DENND2A: variants seen among roughly 807,000 people sequenced by gnomAD.
DENND2A encodes DENN domain containing 2A, also known as DENN domain-containing protein 2A.
Under a neutral mutation model 105.3 loss-of-function variants are expected in DENND2A, and 53 were observed. The observed-to-expected ratio is 0.50, with a 90% CI of 0.40 to 0.63. DENND2A has a LOEUF of 0.63. Ranked by LOEUF, DENND2A falls within the 30% of genes least tolerant of loss-of-function variation. The pLI, the probability that DENND2A is intolerant of heterozygous loss-of-function variation, is 0.00. For missense variants in DENND2A, 1,138 were observed against 1,279.6 expected (o/e 0.89, Z 1.69); for synonymous variants, 522 against 508.4 (o/e 1.03, Z -0.36).
intron 6 of DENND2A, among the ~76,000 whole-genome samples, chr7:140,570,258 C>T (rs1418295501): frequency 2.0e-5 from 3 of 152,180 alleles, no homozygotes; most frequent in African/African-American, 7.2e-5. Flanking sequence ...GCTGCCAGCT[C>T]CACTGCCCTA....
chr7:140,596,709 A>G (rs1799299065), intron 3 of DENND2A, among the ~76,000 whole-genome samples: 1 of 152,196 alleles, frequency 6.6e-6, no homozygotes, highest in Non-Finnish European at 1.5e-5. Flanking sequence ...CATTGCAGTT[A>G]TTTGGTTTCA....
chr7:140,571,326 T>C (rs949409610), intron 6 of DENND2A, among the ~76,000 whole-genome samples: 2 of 151,900 alleles, frequency 1.3e-5, no homozygotes, highest in Admixed American at 6.6e-5. Context: ...GCCCAGCTAA[T>C]TTTTTTGTAT....
At chr7:140,633,515 T>C (rs189833151) in intron 1 of DENND2A, among the ~76,000 whole-genome samples, 49 of 152,312 alleles carry the variant, frequency 3.2e-4, no homozygotes, top group African/African-American at 1.1e-3. Context: ...CCCTATATTT[T>C]ACCTACCATA....
chr7:140,522,258 T>C (rs576873493), intron 17 of DENND2A, among the ~76,000 whole-genome samples, 158 bp from the exon 18 acceptor site: 1 of 152,300 alleles, frequency 6.6e-6, no homozygotes, highest in South Asian at 2.1e-4. Context: ...TATTAAGACA[T>C]TTCTTTCCAT....
chr7:140,545,603 G>A (rs911088695), intron 13 of DENND2A, among the ~76,000 whole-genome samples: 3 of 152,130 alleles, frequency 2.0e-5, no homozygotes, highest in Non-Finnish European at 2.9e-5. Context: ...CACCTGCCTC[G>A]GCCTCCCAAA....
At chr7:140,605,673 C>G (rs978031273) in intron 2 of DENND2A, 32 bp downstream of exon 2, 1 of 152,026 alleles carries the variant, frequency 6.6e-6, no homozygotes, top group Non-Finnish European at 1.5e-5. Flanking sequence ...GCTGGGTCAG[C>G]GTCTACACTC....
At chr7:140,628,651 T>C (rs1225634472) in intron 1 of DENND2A, among the ~76,000 whole-genome samples, 1 of 150,416 alleles carries the variant, frequency 6.6e-6, no homozygotes, top group Non-Finnish European at 1.5e-5. Context: ...GGCATTCTCC[T>C]GCCTCAGCCT....
At chr7:140,630,516 CA>C (rs1363577020) in intron 1 of DENND2A, among the ~76,000 whole-genome samples, 12 of 152,002 alleles carry the variant, frequency 7.9e-5, no homozygotes, top group Non-Finnish European at 1.3e-4. Context: ...ACAATTAAAA[CA>C]ACCAAAACAG....
chr7:140,526,363 G>A (rs1270574147), intron 15 of DENND2A, among the ~76,000 whole-genome samples: 1 of 152,216 alleles, frequency 6.6e-6, no homozygotes, highest in Non-Finnish European at 1.5e-5. Context: ...GGTGCCTGAG[G>A]CGCAAAGGTC....
At position 140,546,754 on chromosome 7, in the gene DENND2A, G is replaced by C. The variant is rs749535374; in HGVS notation, c.2178+45C>G. ...TCTGAGCACGGAGACTCGGCTGTCT[G>C]GGCCACTGCCTCCCCAGGGAGAAGG... On this transcript the variant is annotated intron_variant, in intron 13 of 19. Transcript: ENST00000496613. 12 of 1,608,008 alleles carry C rather than the reference G, an allele frequency of 7.5e-6. 1 individual carries two copies. The South Asian group carries it at 1.3e-4, about 18-fold the overall frequency.
At chr7:140,580,877 T>G (rs1217666545) in intron 5 of DENND2A, among the ~76,000 whole-genome samples, 1 of 151,144 alleles carries the variant, frequency 6.6e-6, no homozygotes, top group African/African-American at 2.4e-5. Flanking sequence ...CCTCAGGTGA[T>G]CTGCCCACCT....
chr7:140,527,440 G>T lies in DENND2A; in HGVS notation c.2383C>A (p.Gln795Lys). 1 of 1,603,844 alleles carries T rather than the reference G, an allele frequency of 6.2e-7. No homozygotes were observed. The highest frequency in any genetic ancestry group is 8.5e-7 in the Non-Finnish European group (1 of 1,176,816). ...MVALIYPFAW[Q>K]HTYIPVLPPA... ...GGCAGCACCGGGATGTAGGTGTGCT[G>T]CCAGGCGAAGGGGTAGATCAGCGCC... Residue 795 changes from glutamine to lysine, a missense_variant, in exon 15 of 20, where the codon CAG becomes AAG. Gln to Lys is a moderately conservative substitution (Grantham distance 53, BLOSUM62 1). Coordinates refer to ENST00000496613, the MANE Select transcript of DENND2A (RefSeq NM_015689.5). The surrounding 1 kb of genome is among the most constrained non-coding windows in gnomAD (Gnocchi z 4.9).
At chr7:140,536,982 G>A (rs1796477247) in intron 14 of DENND2A, among the ~76,000 whole-genome samples, 1 of 152,174 alleles carries the variant, frequency 6.6e-6, no homozygotes, top group African/African-American at 2.4e-5. Flanking sequence ...TTTTTCATAG[G>A]ACTTTGCTGA....
At chr7:140,557,760 G>A (rs1250287788) in intron 11 of DENND2A, among the ~76,000 whole-genome samples, 7 of 149,612 alleles carry the variant, frequency 4.7e-5, no homozygotes, top group East Asian at 2.0e-4. Context: ...GGATGGTCTC[G>A]ATCTCCTGAC....
chr7:140,580,066 C>T (rs569184590), intron 5 of DENND2A, among the ~76,000 whole-genome samples: 1 of 152,174 alleles, frequency 6.6e-6, no homozygotes, highest in East Asian at 1.9e-4. Flanking sequence ...TGAGATCATG[C>T]CACTGCACTC....
chr7:140,615,030 C>T (rs1800032514), intron 1 of DENND2A, among the ~76,000 whole-genome samples: 2 of 152,120 alleles, frequency 1.3e-5, no homozygotes, highest in Non-Finnish European at 2.9e-5. Context: ...CCACGCCTGG[C>T]TAATTTCCAT....
Position 140,536,709 on chromosome 7 carries a change from A to C in DENND2A, c.2327+7909T>G, listed in dbSNP as rs187480292. Among the ~76,000 whole-genome samples the C allele has an allele frequency of 1.1e-4, 17 of 152,286 alleles. No homozygotes were observed. In the East Asian group the frequency reaches 1.5e-3, roughly 14 times the overall value. On this transcript the variant is annotated intron_variant, in intron 14 of 19. Coordinates refer to ENST00000496613, the MANE Select transcript of DENND2A (RefSeq NM_015689.5). Reference sequence around the variant, plus strand: ...AAATGGAGTCTTGCTCTGTTGCCCAAGCTGCAGTATAGTCGTGCCATCTTG... The same window carrying C: ...AAATGGAGTCTTGCTCTGTTGCCCACGCTGCAGTATAGTCGTGCCATCTTG...
chr7:140,524,131 G>A (rs1459664271), intron 16 of DENND2A, among the ~76,000 whole-genome samples: 1 of 152,164 alleles, frequency 6.6e-6, no homozygotes, highest in Non-Finnish European at 1.5e-5. Flanking sequence ...GGGCCTCAGA[G>A]CAGGAGGGTC....
intron 16 of DENND2A, among the ~76,000 whole-genome samples, chr7:140,524,434 T>A (rs1795972903): frequency 1.3e-5 from 2 of 152,300 alleles, no homozygotes; most frequent in South Asian, 4.1e-4. Flanking sequence ...AAATCACTCA[T>A]AATCTGTCTC....
Sources: gnomAD v4.1 joint callset for allele counts (sites outside exome capture counted in the v4.1 genomes callset) on GRCh38, gnomAD v4.1.1 for gene constraint, Gnocchi (gnomAD v3.1) non-coding constraint, MANE v1.5 for transcripts, NCBI Gene and HGNC (gene_info 2026-07-23, HGNC 2026-07-21) for gene names.